Variants in EPHX3 observed in about 807,000 individuals in gnomAD.
The protein encoded by EPHX3 is epoxide hydrolase 3.
In EPHX3, 39 loss-of-function variants were observed where a neutral mutation model predicts 40.2. That is an observed-to-expected ratio of 0.97 (90% CI 0.75 to 1.27). The LOEUF is 1.27. Among genes scored for constraint, EPHX3 ranks in the 50% most tolerant of loss-of-function variants. The pLI is 0.00. For synonymous variants in EPHX3, 213 were observed against 209.7 expected (o/e 1.02, Z -0.14); for missense variants, 442 against 474.0 (o/e 0.93, Z 0.63).
Position 15,230,959 on chromosome 19 carries a change from C to T in EPHX3, c.616+3G>A. 1 of 1,613,890 alleles carries T rather than the reference C, an allele frequency of 6.2e-7. No homozygotes were observed. Among genetic ancestry groups the T allele is most frequent in the Non-Finnish European group, 8.5e-7 (1 of 1,179,904 alleles). On this transcript the variant is annotated splice_donor_region_variant and intron_variant, in intron 4 of 6. Transcript: ENST00000221730. ...TCCCAGTGTCCCGGACTCCCACACA[C>T]ACCTTGGTACACCGACATGGGGGCA... is the stretch of plus-strand genomic sequence containing the variant.
chr19:15,234,464 T>C (rs2047177196), upstream of EPHX3, among the ~76,000 whole-genome samples: 1 of 151,844 alleles, frequency 6.6e-6, no homozygotes, highest in African/African-American at 2.4e-5. Flanking sequence ...GCCACCACAC[T>C]CAGCTAATTT....
At chr19:15,229,359 G>A (rs1451169218) in intron 4 of EPHX3, among the ~76,000 whole-genome samples, 2 of 151,030 alleles carry the variant, frequency 1.3e-5, no homozygotes, top group African/African-American at 4.9e-5. Context: ...CAGCACTTTG[G>A]GAGGCTGAGG....
At chr19:15,228,434 C>T (rs749328313) in intron 4 of EPHX3, among the ~76,000 whole-genome samples, 1 of 151,048 alleles carries the variant, frequency 6.6e-6, no homozygotes, top group African/African-American at 2.4e-5. Flanking sequence ...GTTCTAGACA[C>T]AGCAGTGAAT....
rs1476754354 is a variant in EPHX3 at position 15,232,363 on chromosome 19, C to A, written c.-152G>T. On this transcript the variant is annotated 5_prime_UTR_variant, in exon 1 of 7. Transcript: ENST00000221730. ...GGGACGCGCTGAAGGAAGAGGCGGGCGGCTCCGACAGAAAACAGCCAGAGC... is the reference window on the plus strand; with the variant it reads ...GGGACGCGCTGAAGGAAGAGGCGGGAGGCTCCGACAGAAAACAGCCAGAGC... The A allele has an allele frequency of 2.9e-6, 4 of 1,373,532 alleles. No individual in the cohort carries two copies. The highest frequency in any genetic ancestry group is 2.8e-6 in the Non-Finnish European group (3 of 1,072,732). The allele number at this position is 1,373,532 out of a possible 1,614,324, so 85.1% of individuals were successfully genotyped here. A position where few individuals can be genotyped will look rare whatever the true frequency, so the allele number is the denominator to read the frequency against.
chr19:15,227,313 G>A lies in EPHX3; in HGVS notation c.*124C>T. On this transcript the variant is annotated 3_prime_UTR_variant, in exon 7 of 7. Transcript: ENST00000221730. ...CTTGTGTGGGATCCAGGAGTCCCATGCCTATGAGCGATTCAAGAGTTCACC... is the reference window on the plus strand; with the variant it reads ...CTTGTGTGGGATCCAGGAGTCCCATACCTATGAGCGATTCAAGAGTTCACC... The A allele has an allele frequency of 1.3e-6, 1 of 791,552 alleles. No homozygotes were observed. Among genetic ancestry groups the A allele is most frequent in the Non-Finnish European group, 2.1e-6 (1 of 483,090 alleles). 49.0% of individuals were successfully genotyped at this position (791,552 alleles called of 1,614,324 possible).
intron 4 of EPHX3, among the ~76,000 whole-genome samples, chr19:15,229,208 C>T (rs1019135487): frequency 1.3e-5 from 2 of 151,980 alleles, no homozygotes; most frequent in African/African-American, 4.8e-5. Context: ...AGTGAAAACC[C>T]GTCTCCACTA....
chr19:15,229,668 G>C (rs2047138596), intron 4 of EPHX3, among the ~76,000 whole-genome samples: 1 of 150,688 alleles, frequency 6.6e-6, no homozygotes, highest in South Asian at 2.1e-4. Flanking sequence ...GCCAAGGTGG[G>C]CAGATCACAA....
upstream of EPHX3, chr19:15,232,534 C>G: frequency 1.2e-6 from 1 of 840,530 alleles, no homozygotes; most frequent in Non-Finnish European, 1.5e-6. Context: ...GGCTTAGGGC[C>G]GGGGCGGGGC....
rs2047126341 is a variant in EPHX3 at position 15,228,048 on chromosome 19, C to T, written c.669G>A (p.Leu223=). Residue 223 remains leucine, a synonymous_variant, in exon 5 of 7, where the codon CTG becomes CTA. Transcript: ENST00000221730. Reference sequence around the variant, plus strand: ...TCTCGGGCAGCCAGGGCAGCTGGAACAGGAACATGTAGTGGGAACGGAAGA... The same window carrying T: ...TCTCGGGCAGCCAGGGCAGCTGGAATAGGAACATGTAGTGGGAACGGAAGA... ...SQFFRSHYMF[L]FQLPWLPEKL... The T allele has an allele frequency of 5.0e-6, 8 of 1,602,068 alleles. No individual in the cohort carries two copies. The highest frequency in any genetic ancestry group is 1.7e-4 in the Middle Eastern group (1 of 6,008).
upstream of EPHX3, among the ~76,000 whole-genome samples, chr19:15,235,145 G>GT (rs1358829438): frequency 2.0e-5 from 3 of 152,038 alleles, no homozygotes; most frequent in Non-Finnish European, 4.4e-5. Flanking sequence ...GGGACTACAG[G>GT]TGTGTGCTAC....
At chr19:15,230,162 A>ATTTAT (rs1295608713) in intron 4 of EPHX3, among the ~76,000 whole-genome samples, 1 of 151,582 alleles carries the variant, frequency 6.6e-6, no homozygotes, top group South Asian at 2.1e-4. Context: ...GTGTATTGTG[A>ATTTAT]TTTATTTTAT....
Position 15,230,994 on chromosome 19 carries a change from A to C in EPHX3, c.584T>G (p.Val195Gly). 2 of 1,614,080 alleles carry C rather than the reference A, an allele frequency of 1.2e-6. No individual in the cohort carries two copies. The highest frequency in any genetic ancestry group is 1.7e-6 in the Non-Finnish European group (2 of 1,180,020). The change falls in exon 4 of 7, where the codon GTG becomes GGG. Residue 195 changes from valine to glycine, a missense_variant. By Grantham distance (109) the Val-to-Gly change is moderately radical. Transcript: ENST00000221730. Reference protein sequence around the residue: ...YYPSLVERMVVVSGAPMSVYQ... With the variant: ...YYPSLVERMVGVSGAPMSVYQ... ...CACCGACATGGGGGCACCACTGACC[A>C]CAACCATCCGCTCGACCAGGGATGG...
At chr19:15,231,566 C>T (rs375016540) in intron 2 of EPHX3, among the ~76,000 whole-genome samples, 170 bp from the exon 3 acceptor site, 1 of 152,220 alleles carries the variant, frequency 6.6e-6, no homozygotes, top group African/African-American at 2.4e-5. Context: ...CCAGCTACAC[C>T]CTGAATCCAG....
chr19:15,231,892 G>A, intron 1 of EPHX3, 31 bp from the exon 2 acceptor site: 2 of 1,613,284 alleles, frequency 1.2e-6, no homozygotes, highest in Non-Finnish European at 1.7e-6. Flanking sequence ...GAAGCCTGGG[G>A]AACCCTCTCT....
At chr19:15,231,619 AGGG>A (rs2047154920) in intron 2 of EPHX3, among the ~76,000 whole-genome samples, 154 bp downstream of exon 2, 1 of 152,178 alleles carries the variant, frequency 6.6e-6, no homozygotes, top group Admixed American at 6.5e-5. Context: ...CTGTCCCTTC[AGGG>A]CCTAGGGATC....
At chr19:15,229,669 C>T (rs2047138613) in intron 4 of EPHX3, among the ~76,000 whole-genome samples, 1 of 149,952 alleles carries the variant, frequency 6.7e-6, no homozygotes, top group Non-Finnish European at 1.5e-5. Flanking sequence ...CCAAGGTGGG[C>T]AGATCACAAG....
At chr19:15,230,462 C>T (rs141406939) in intron 4 of EPHX3, among the ~76,000 whole-genome samples, 224 of 152,112 alleles carry the variant, frequency 1.5e-3, no homozygotes, top group African/African-American at 5.1e-3. Flanking sequence ...GGAGCCACCA[C>T]GCCTGGCCAT....
upstream of EPHX3, chr19:15,235,762 G>A (rs1409628708): frequency 6.6e-6 from 1 of 152,158 alleles, no homozygotes; most frequent in Admixed American, 6.5e-5. Flanking sequence ...CTGTGGGAAG[G>A]GTTGGGAAAT....
chr19:15,230,840 T>C (rs138390753), intron 4 of EPHX3, 122 bp downstream of exon 4: 1 of 1,361,950 alleles, frequency 7.3e-7, no homozygotes, highest in African/African-American at 1.5e-5. Flanking sequence ...GGGACCTGGG[T>C]TGATTGCTGC....
Sources: gnomAD v4.1 joint callset for allele counts (sites outside exome capture counted in the v4.1 genomes callset) on GRCh38, gnomAD v4.1.1 for gene constraint, MANE v1.5 for transcripts, NCBI Gene and HGNC (gene_info 2026-07-23, HGNC 2026-07-21) for gene names.